The following GMDS variants were observed in gnomAD, a reference collection of about 807,000 sequenced individuals.
The protein encoded by GMDS is GDP-mannose 4,6 dehydratase.
A neutral mutation model predicts 49.9 loss-of-function variants in GMDS; 20 were observed. That is an observed-to-expected ratio of 0.40 (90% CI 0.28 to 0.58). GMDS has a LOEUF of 0.58. Among genes scored for constraint, GMDS ranks in the 20% least tolerant of loss-of-function variants. The pLI, the probability that GMDS is intolerant of heterozygous loss-of-function variation, is 0.42. For synonymous variants in GMDS, 177 were observed against 178.6 expected, an observed-to-expected ratio of 0.99 and a Z score of 0.07; for missense variants, 362 against 481.4, an observed-to-expected ratio of 0.75 and a Z score of 2.32.
chr6:2,037,016 T>C (rs1226589434), intron 4 of GMDS, among the ~76,000 whole-genome samples: 2 of 152,258 alleles, frequency 1.3e-5, no homozygotes, highest in Middle Eastern at 3.4e-3. Context: ...AGCCTGAACT[T>C]GTGAGATAAA....
intron 7 of GMDS, among the ~76,000 whole-genome samples, chr6:1,897,241 G>A (rs928870310): frequency 3.9e-5 from 6 of 152,132 alleles, no homozygotes; most frequent in African/African-American, 7.2e-5. Flanking sequence ...CAGTGTGCAC[G>A]TACTCCTGGG....
intron 7 of GMDS, among the ~76,000 whole-genome samples, chr6:1,839,795 T>A (rs1581243440): frequency 6.6e-6 from 1 of 151,410 alleles, no homozygotes; most frequent in Non-Finnish European, 1.5e-5. Context: ...CAGTCAGGAG[T>A]CCCAGTGATG....
chr6:1,895,102 G>T (rs548034687), intron 7 of GMDS, among the ~76,000 whole-genome samples: 6 of 152,306 alleles, frequency 3.9e-5, no homozygotes, highest in African/African-American at 1.4e-4. Flanking sequence ...ATAAGGCATT[G>T]TTGTGGCAGG....
intron 7 of GMDS, among the ~76,000 whole-genome samples, chr6:1,881,190 T>C (rs186810758): frequency 6.6e-6 from 1 of 152,080 alleles, no homozygotes; most frequent in East Asian, 1.9e-4. Context: ...CCAAACACAA[T>C]TAGAAAAGCA....
At position 1,921,387 on chromosome 6, in the gene GMDS, G is replaced by A. The variant is rs138057122; in HGVS notation, c.771+8716C>T. Among the ~76,000 whole-genome samples, 601 of 152,182 alleles carry A rather than the reference G, an allele frequency of 3.9e-3. 1 individual carries two copies. The highest frequency in any genetic ancestry group is 8.4e-3 in the African/African-American group (349 of 41,526). On this transcript the variant is annotated intron_variant, in intron 7 of 10. Transcript: ENST00000380815. ...CTTTCATTAAACAACAATTTAAAACGGGCTCTACAGGTTCTTATTTGGGGA... is the reference window on the plus strand; with the variant it reads ...CTTTCATTAAACAACAATTTAAAACAGGCTCTACAGGTTCTTATTTGGGGA...
intron 4 of GMDS, among the ~76,000 whole-genome samples, chr6:1,962,880 CTT>C (rs567905789): frequency 5.8e-5 from 8 of 137,800 alleles, no homozygotes; most frequent in Admixed American, 7.3e-5. Flanking sequence ...TTTTTTCTTT[CTT>C]TTTTTTTTTT....
intron 4 of GMDS, among the ~76,000 whole-genome samples, chr6:1,988,932 C>T (rs962376877): frequency 6.6e-5 from 10 of 151,942 alleles, no homozygotes; most frequent in Non-Finnish European, 1.3e-4. Context: ...AGAGTTATGC[C>T]GGGAGCAGTG....
intron 4 of GMDS, among the ~76,000 whole-genome samples, chr6:2,025,357 GGTGTGTGTGTGTGT>G (rs200096039): frequency 0.011 from 1,494 of 136,634 alleles, 6 homozygotes; most frequent in Admixed American, 0.016. Context: ...CTGATGGTGG[GGTGTGTGTGTGTGT>G]GTGTGTGTGT....
chr6:1,683,391 G>A (rs973456163), intron 9 of GMDS, among the ~76,000 whole-genome samples: 1 of 152,194 alleles, frequency 6.6e-6, no homozygotes, highest in Non-Finnish European at 1.5e-5. Context: ...CCAAAGTGCT[G>A]GGATTACAGG....
At chr6:1,859,048 AG>A (rs1024935200) in intron 7 of GMDS, among the ~76,000 whole-genome samples, 7 of 152,194 alleles carry the variant, frequency 4.6e-5, no homozygotes, top group African/African-American at 1.7e-4. Context: ...TCTGCCCTAC[AG>A]GTCTGTGCTT....
chr6:1,628,614 G>C (rs1762909841), intron 9 of GMDS, among the ~76,000 whole-genome samples: 1 of 152,200 alleles, frequency 6.6e-6, no homozygotes. Flanking sequence ...CAACAGGTCT[G>C]CTTATAAGGT....
intron 1 of GMDS, among the ~76,000 whole-genome samples, chr6:2,145,797 A>C (rs1038408346): frequency 1.3e-5 from 2 of 152,212 alleles, no homozygotes; most frequent in African/African-American, 4.8e-5. Context: ...GGAGGCTGAG[A>C]CAAGAGGATG....
intron 7 of GMDS, among the ~76,000 whole-genome samples, chr6:1,913,225 C>A (rs1761165143): frequency 6.6e-6 from 1 of 150,924 alleles, no homozygotes; most frequent in South Asian, 2.1e-4. Context: ...ACTAAAAATA[C>A]AAAAAATTAG....
At chr6:2,222,394 A>T (rs1220511244) in intron 1 of GMDS, among the ~76,000 whole-genome samples, 1 of 152,166 alleles carries the variant, frequency 6.6e-6, no homozygotes, top group African/African-American at 2.4e-5. Flanking sequence ...AACTGCTTCC[A>T]TTCTCACTGC....
chr6:2,015,900 C>CA (rs1767860717), intron 4 of GMDS, among the ~76,000 whole-genome samples: 1 of 151,906 alleles, frequency 6.6e-6, no homozygotes, highest in Non-Finnish European at 1.5e-5. Flanking sequence ...TCATTCTTAG[C>CA]AACCTCAGTT....
intron 7 of GMDS, among the ~76,000 whole-genome samples, chr6:1,858,968 G>GA (rs996509351): frequency 3.3e-5 from 5 of 151,724 alleles, no homozygotes; most frequent in Non-Finnish European, 5.9e-5. Context: ...TGTGTTTTGG[G>GA]GGGGGCAGGC....
chr6:1,856,322 T>C (rs1187089963), intron 7 of GMDS, among the ~76,000 whole-genome samples: 1 of 152,222 alleles, frequency 6.6e-6, no homozygotes, highest in Non-Finnish European at 1.5e-5. Context: ...TGCTCTAACC[T>C]ACCTGTGAGA....
chr6:1,686,419 T>TG (rs1764978023), intron 9 of GMDS, among the ~76,000 whole-genome samples: 1 of 152,184 alleles, frequency 6.6e-6, no homozygotes, highest in Non-Finnish European at 1.5e-5. Flanking sequence ...GGAGAGGGTG[T>TG]GGGGGGAAGC....
chr6:2,065,185 T>C (rs893988244), intron 4 of GMDS, among the ~76,000 whole-genome samples: 1 of 152,118 alleles, frequency 6.6e-6, no homozygotes, highest in Non-Finnish European at 1.5e-5. Context: ...CACAGCCTGG[T>C]ACTCCAACAG....
Sources: gnomAD v4.1 joint callset for allele counts (sites outside exome capture counted in the v4.1 genomes callset) on GRCh38, gnomAD v4.1.1 for gene constraint, MANE v1.5 for transcripts, NCBI Gene and HGNC (gene_info 2026-07-23, HGNC 2026-07-21) for gene names.